ROCK2: variants seen among roughly 807,000 people sequenced by gnomAD.
The protein encoded by ROCK2 is Rho associated coiled-coil containing protein kinase 2, also known as rho-associated protein kinase 2.
Under a neutral mutation model 195.1 loss-of-function variants are expected in ROCK2, and 61 were observed. The observed-to-expected ratio is 0.31, with a 90% CI of 0.25 to 0.39. The LOEUF is 0.39. Among genes scored for constraint, ROCK2 ranks in the 10% least tolerant of loss-of-function variants. The pLI is 1.00. For missense variants in ROCK2, 1,109 were observed against 1,637.4 expected (o/e 0.68, Z 5.57); for synonymous variants, 504 against 545.5 (o/e 0.92, Z 1.06).
At chr2:11,340,442 C>T (rs986308410) in intron 1 of ROCK2, among the ~76,000 whole-genome samples, 2 of 152,028 alleles carry the variant, frequency 1.3e-5, no homozygotes, top group Admixed American at 6.6e-5. Flanking sequence ...CCACACATCA[C>T]CTTTTTTTTA....
chr2:11,193,986 G>T (rs781411590), intron 29 of ROCK2, 129 bp from the exon 30 acceptor site: 3 of 465,148 alleles, frequency 6.4e-6, no homozygotes, highest in African/African-American at 2.0e-5. Flanking sequence ...AGAATATTTT[G>T]TTCTATTAAT....
At chr2:11,290,266 G>A (rs1667319386) in intron 1 of ROCK2, among the ~76,000 whole-genome samples, 1 of 152,070 alleles carries the variant, frequency 6.6e-6, no homozygotes, top group African/African-American at 2.4e-5. Context: ...ACTTTCATAA[G>A]TTTTAAGTGT....
chr2:11,273,094 CA>C (rs34784074), intron 3 of ROCK2, among the ~76,000 whole-genome samples: 1,615 of 21,660 alleles, frequency 0.075, 12 homozygotes, highest in Non-Finnish European at 0.086. Flanking sequence ...AAATAAGGGT[CA>C]AAAAAAAAAA....
intron 1 of ROCK2, among the ~76,000 whole-genome samples, chr2:11,310,331 A>T (rs1312424701): frequency 6.6e-6 from 1 of 152,218 alleles, no homozygotes; most frequent in Non-Finnish European, 1.5e-5. Flanking sequence ...ATTTTTAAAA[A>T]AAAGGTTAAA....
intron 3 of ROCK2, among the ~76,000 whole-genome samples, chr2:11,259,425 TTAAGTG>T (rs1666145892): frequency 6.6e-6 from 1 of 151,346 alleles, no homozygotes; most frequent in African/African-American, 2.5e-5. Context: ...AAGCTACCAA[TTAAGTG>T]TAAGTAATTA....
chr2:11,226,834 C>T (rs1330165632), intron 6 of ROCK2, among the ~76,000 whole-genome samples: 1 of 148,704 alleles, frequency 6.7e-6, no homozygotes, highest in African/African-American at 2.5e-5. Context: ...TCACTTGAGC[C>T]TAGAAGGTCA....
intron 1 of ROCK2, among the ~76,000 whole-genome samples, chr2:11,305,940 A>G (rs1667846275): frequency 6.6e-6 from 1 of 152,236 alleles, no homozygotes; most frequent in South Asian, 2.1e-4. Flanking sequence ...GAGGACACAT[A>G]AGCCAGTATG....
At chr2:11,281,660 T>G (rs1418122414) in intron 3 of ROCK2, among the ~76,000 whole-genome samples, 1 of 152,192 alleles carries the variant, frequency 6.6e-6, no homozygotes, top group Non-Finnish European at 1.5e-5. Flanking sequence ...AATTTGAAAT[T>G]AAATTCTGTA....
intron 1 of ROCK2, among the ~76,000 whole-genome samples, chr2:11,302,829 T>G (rs1250722570): frequency 6.6e-6 from 1 of 152,216 alleles, no homozygotes; most frequent in African/African-American, 2.4e-5. Context: ...TGAAATTAAT[T>G]TCATCTGTTT....
rs369057026 is a variant in ROCK2 at position 11,187,575 on chromosome 2, G to A, written c.4164-4135C>T. 3.5e-4 allele frequency among the ~76,000 whole-genome samples: 53 copies of A among 152,144 alleles called. No individual in the cohort carries two copies. The East Asian group carries it at 8.3e-3, about 24-fold the overall frequency. On this transcript the variant is annotated intron_variant, in intron 32 of 32. Transcript: ENST00000315872. ...TATTTCCATAATAATGCCTGCATGC[G>A]CCTCATTAATTTTGTATGGGGATGA... is the stretch of plus-strand genomic sequence containing the variant.
chr2:11,228,314 G>A (rs898205371), intron 5 of ROCK2, among the ~76,000 whole-genome samples: 1 of 152,054 alleles, frequency 6.6e-6, no homozygotes, highest in African/African-American at 2.4e-5. Flanking sequence ...GAGAAAAGGA[G>A]GTTGAACACA....
intron 5 of ROCK2, 30 bp from the exon 6 acceptor site, chr2:11,227,428 C>A: frequency 6.3e-7 from 1 of 1,591,250 alleles, no homozygotes; most frequent in Non-Finnish European, 8.6e-7. Flanking sequence ...AAAGAAAAAA[C>A]AGTTCAGTGT....
chr2:11,222,033 A>G, intron 8 of ROCK2, 50 bp downstream of exon 8: 2 of 1,087,576 alleles, frequency 1.8e-6, no homozygotes, highest in Non-Finnish European at 2.8e-6. Context: ...GAATCAACTT[A>G]TGAGTTTCAG....
At chr2:11,188,209 C>T (rs1663272119) in intron 32 of ROCK2, among the ~76,000 whole-genome samples, 1 of 147,128 alleles carries the variant, frequency 6.8e-6, no homozygotes, top group South Asian at 2.1e-4. Flanking sequence ...CTCCTGGGTT[C>T]AAGCAATTCT....
Position 11,286,599 on chromosome 2 carries a change from C to T in ROCK2, c.264G>A (p.Lys88=). 1 of 1,612,170 alleles carries T rather than the reference C, an allele frequency of 6.2e-7. No homozygotes were observed. The highest frequency in any genetic ancestry group is 8.5e-7 in the Non-Finnish European group (1 of 1,178,664). Residue 88 remains lysine, a synonymous_variant, in exon 3 of 33, where the codon AAG becomes AAA. Transcript: ENST00000315872. ...CTTTTACAACATCATAGTCTTCTGCCTTCATCTGTAGACCTCTGATTTTTT... is the reference window on the plus strand; with the variant it reads ...CTTTTACAACATCATAGTCTTCTGCTTTCATCTGTAGACCTCTGATTTTTT... The part of the protein sequence containing the change: ...IVKKIRGLQM[K]AEDYDVVKVI...
chr2:11,294,478 C>G (rs1667453823), intron 1 of ROCK2, among the ~76,000 whole-genome samples: 1 of 152,118 alleles, frequency 6.6e-6, no homozygotes, highest in African/African-American at 2.4e-5. Flanking sequence ...ATTATACAGT[C>G]TTAATATCAC....
chr2:11,205,439 T>C (rs1664014504), intron 20 of ROCK2, among the ~76,000 whole-genome samples: 1 of 152,202 alleles, frequency 6.6e-6, no homozygotes, highest in Non-Finnish European at 1.5e-5. Flanking sequence ...CTTCTTGCCC[T>C]CCAACCCATT....
chr2:11,192,815 C>A lies in ROCK2; in HGVS notation c.3688-103G>T. 3 of 1,280,710 alleles carry A rather than the reference C, an allele frequency of 2.3e-6. No homozygotes were observed. Among genetic ancestry groups the A allele is most frequent in the Non-Finnish European group, 2.1e-6 (2 of 947,812 alleles). 79.3% of individuals were successfully genotyped at this position (1,280,710 alleles called of 1,614,324 possible). A position where few individuals can be genotyped will look rare whatever the true frequency, so the allele number is the denominator to read the frequency against. On this transcript the variant is annotated intron_variant, in intron 30 of 32. Coordinates refer to ENST00000315872, the MANE Select transcript of ROCK2 (RefSeq NM_004850.5). The surrounding 1 kb of genome is among the most constrained non-coding windows in gnomAD (Gnocchi z 5.0). ...TAAAATAAAATTAGCCTAAATTATT[C>A]AAAGAGAAGAAAATGTATCTGAAGT... is the stretch of plus-strand genomic sequence containing the variant.
intron 1 of ROCK2, among the ~76,000 whole-genome samples, chr2:11,299,754 T>C (rs1043402406): frequency 1.3e-5 from 2 of 152,228 alleles, no homozygotes; most frequent in African/African-American, 4.8e-5. Context: ...TTTGTAACTA[T>C]GCAGAACGAG....
Sources: gnomAD v4.1 joint callset for allele counts (sites outside exome capture counted in the v4.1 genomes callset) on GRCh38, gnomAD v4.1.1 for gene constraint, Gnocchi (gnomAD v3.1) non-coding constraint, MANE v1.5 for transcripts, NCBI Gene and HGNC (gene_info 2026-07-23, HGNC 2026-07-21) for gene names.